EVL: variants seen among roughly 807,000 people sequenced by gnomAD.
The protein encoded by EVL is ena/VASP-like protein.
In EVL, 21 loss-of-function variants were observed where a neutral mutation model predicts 59.6. That is an observed-to-expected ratio of 0.35 (90% CI 0.25 to 0.51). EVL has a LOEUF of 0.51. Ranked by LOEUF, EVL falls within the 20% of genes least tolerant of loss-of-function variation. The pLI is 0.97. For missense variants in EVL, 462 were observed against 546.6 expected (o/e 0.85, Z 1.54); for synonymous variants, 198 against 203.5 (o/e 0.97, Z 0.23).
Position 100,096,562 on chromosome 14 carries a change from G to A in EVL, c.181-919G>A, listed in dbSNP as rs149151486. Reference sequence around the variant, plus strand: ...TCTCCATTTGACAGACCAGAAAACCGATCATTCATAAGTGTCATGATGTTA... The same window carrying A: ...TCTCCATTTGACAGACCAGAAAACCAATCATTCATAAGTGTCATGATGTTA... On this transcript the variant is annotated intron_variant, in intron 2 of 13. Transcript: ENST00000392920. Among the ~76,000 whole-genome samples, 191 of 152,244 alleles carry A rather than the reference G, an allele frequency of 1.3e-3. 1 individual carries two copies. The Middle Eastern group carries it at 0.02, about 16-fold the overall frequency.
chr14:100,056,400 T>C (rs1384552900), intron 1 of EVL, among the ~76,000 whole-genome samples: 3 of 151,904 alleles, frequency 2.0e-5, no homozygotes, highest in African/African-American at 7.3e-5. Context: ...AAAAAAAAAA[T>C]TGCTTGGTTG....
At chr14:100,121,878 A>G (rs538665227) in intron 3 of EVL, among the ~76,000 whole-genome samples, 1 of 152,242 alleles carries the variant, frequency 6.6e-6, no homozygotes, top group Admixed American at 6.5e-5. Context: ...AAAGGCCTCC[A>G]TCCTAGGGCA....
chr14:100,072,295 G>A (rs959407115), intron 1 of EVL, among the ~76,000 whole-genome samples: 13 of 152,172 alleles, frequency 8.5e-5, no homozygotes, highest in Admixed American at 3.3e-4. Context: ...AGCTATCTCC[G>A]CTCAGTGCAT....
At position 100,107,440 on chromosome 14, in the gene EVL, A is replaced by C. The variant is rs1595189668; in HGVS notation, c.358+9782A>C. The C allele has an allele frequency of 1.8e-5, 7 of 397,554 alleles. No individual in the cohort carries two copies. The East Asian group carries it at 2.5e-4, about 14-fold the overall frequency. The allele number at this position is 397,554 out of a possible 1,614,324, so 24.6% of individuals were successfully genotyped here. A position where few individuals can be genotyped will look rare whatever the true frequency, so the allele number is the denominator to read the frequency against. On this transcript the variant is annotated intron_variant, in intron 3 of 13. Coordinates refer to ENST00000392920, the MANE Select transcript of EVL (RefSeq NM_016337.3). ...GTCATGAGACTGGGTTTACATTTAC[A>C]GATGACAAAACCAAGACCCAGTGAG...
intron 3 of EVL, chr14:100,102,408 A>G (rs1566695657): frequency 2.2e-6 from 1 of 455,754 alleles, no homozygotes; most frequent in Non-Finnish European, 4.4e-6. Context: ...ATAGAGGATA[A>G]GTACACCTCC....
At chr14:100,014,954 G>T (rs753831523) in intron 1 of EVL, among the ~76,000 whole-genome samples, 4 of 152,178 alleles carry the variant, frequency 2.6e-5, no homozygotes, top group African/African-American at 4.8e-5. Context: ...TCCATTTGTG[G>T]CTCCTTCTGT....
chr14:100,080,063 T>C (rs1342318469), intron 1 of EVL, among the ~76,000 whole-genome samples: 1 of 142,304 alleles, frequency 7.0e-6, no homozygotes, highest in Non-Finnish European at 1.6e-5. Flanking sequence ...TGTGTTTTGC[T>C]TTTTTTTTTT....
At chr14:100,065,057 A>G (rs736511), upstream of EVL, among the ~76,000 whole-genome samples, 5,339 of 152,250 alleles carry the variant, frequency 0.035, 315 homozygotes, top group African/African-American at 0.12. Context: ...TGCACTTTCT[A>G]TAACAGATGG....
intron 2 of EVL, 83 bp from the exon 3 acceptor site, chr14:100,097,398 A>G: frequency 8.1e-7 from 1 of 1,231,964 alleles, no homozygotes; most frequent in Non-Finnish European, 1.1e-6. Flanking sequence ...TCAAGGATAC[A>G]GTATACTTGC....
chr14:99,984,895 C>T (rs978749544), intron 1 of EVL, among the ~76,000 whole-genome samples: 7 of 152,162 alleles, frequency 4.6e-5, no homozygotes, highest in Non-Finnish European at 1.0e-4. Flanking sequence ...GTATTACAGG[C>T]ATAAGCCACT....
In EVL at chr14:100,036,125, G is replaced by A. The variant is rs1024359143; in HGVS notation, c.6-48562G>A. 5.9e-5 allele frequency among the ~76,000 whole-genome samples: 9 copies of A among 152,292 alleles called. No homozygotes were observed. The East Asian group carries it at 1.7e-3, about 29-fold the overall frequency. ...CGGCAGTGGCATTAGATTGTCATAG[G>A]ACCAGAAACCCTACTGTGAACTGTG... On this transcript the variant is annotated intron_variant, in intron 1 of 13. Coordinates refer to the EVL transcript ENST00000402714.
intron 1 of EVL, among the ~76,000 whole-genome samples, chr14:100,018,664 G>A (rs886821670): frequency 2.6e-5 from 4 of 152,272 alleles, no homozygotes; most frequent in Non-Finnish European, 4.4e-5. Flanking sequence ...TTTCCAGGTC[G>A]ATTACAGTTA....
At chr14:100,072,001 A>G (rs1396730548) in intron 1 of EVL, among the ~76,000 whole-genome samples, 1 of 152,216 alleles carries the variant, frequency 6.6e-6, no homozygotes, top group Non-Finnish European at 1.5e-5. Context: ...GGGAAAATAT[A>G]GCTTTCCATT....
At chr14:100,103,504 C>A (rs746284027) in intron 3 of EVL, among the ~76,000 whole-genome samples, 2 of 152,150 alleles carry the variant, frequency 1.3e-5, no homozygotes, top group Admixed American at 1.3e-4. Context: ...CCTCCTGGGA[C>A]ACTTGGTTTC....
In EVL at chr14:100,038,049, G is replaced by A. The variant is rs1282373607; in HGVS notation, c.6-46638G>A. Among the ~76,000 whole-genome samples the A allele has an allele frequency of 3.3e-5, 5 of 152,302 alleles. No homozygotes were observed. The East Asian group carries it at 9.7e-4, about 29-fold the overall frequency. On this transcript the variant is annotated intron_variant, in intron 1 of 13. Coordinates refer to the EVL transcript ENST00000402714. ...GCAACAGGACTGGAACTAGCTCTGT[G>A]GATTCCCATTCTGCTGCTTTTCAGT...
Position 100,127,985 on chromosome 14 carries a change from A to G in EVL, c.488-534A>G, listed in dbSNP as rs1888185996. 6.6e-6 allele frequency among the ~76,000 whole-genome samples: 1 copy of G among 152,244 alleles called. No individual in the cohort carries two copies. On this transcript the variant is annotated intron_variant, in intron 5 of 13. Coordinates refer to ENST00000392920, the MANE Select transcript of EVL (RefSeq NM_016337.3). The surrounding 1 kb of genome is among the most constrained non-coding windows in gnomAD (Gnocchi z 4.2). ...CTGGCACAAAACAGGCTTAGGCAGC[A>G]CTGGCGGAAGGGGCTGGATGGATGA...
intron 1 of EVL, among the ~76,000 whole-genome samples, chr14:100,066,951 T>G (rs1261379743): frequency 2.0e-5 from 3 of 152,194 alleles, no homozygotes; most frequent in East Asian, 1.9e-4. Context: ...ACAGTCATTG[T>G]TGGTGGTGGT....
At chr14:99,985,076 T>C (rs139332030) in intron 1 of EVL, among the ~76,000 whole-genome samples, 3 of 152,192 alleles carry the variant, frequency 2.0e-5, no homozygotes, top group African/African-American at 7.2e-5. Flanking sequence ...GTGCTGATGG[T>C]TTCTCAGACT....
chr14:99,985,294 A>G (rs1331657663), intron 1 of EVL, among the ~76,000 whole-genome samples: 8 of 151,788 alleles, frequency 5.3e-5, no homozygotes, highest in Non-Finnish European at 1.0e-4. Context: ...CATAATTTTT[A>G]TTTATTATTA....
Sources: gnomAD v4.1 joint callset for allele counts (sites outside exome capture counted in the v4.1 genomes callset) on GRCh38, gnomAD v4.1.1 for gene constraint, Gnocchi (gnomAD v3.1) non-coding constraint, MANE v1.5 for transcripts, NCBI Gene and HGNC (gene_info 2026-07-23, HGNC 2026-07-21) for gene names.